The following CTXND2 variants were observed in gnomAD, a reference collection of about 807,000 sequenced individuals.
The protein encoded by CTXND2 is cortexin domain containing 2.
intron 1 of CTXND2, among the ~76,000 whole-genome samples, chr1:150,907,285 T>A (rs762793388): frequency 3.0e-4 from 46 of 152,312 alleles, no homozygotes; most frequent in Middle Eastern, 6.8e-3. Flanking sequence ...TGTAGAACAT[T>A]TTTATCACCT....
At chr1:150,889,779 G>A (rs1356697168) in intron 1 of CTXND2, among the ~76,000 whole-genome samples, 3 of 151,988 alleles carry the variant, frequency 2.0e-5, no homozygotes, top group Non-Finnish European at 4.4e-5. Context: ...TATGCACTAT[G>A]TGCCAGACAC....
At position 150,891,448 on chromosome 1, in the gene CTXND2, C is replaced by T. The variant is rs753700906; in HGVS notation, c.-74+4135C>T. ...CAGGATGGTCTCCATCTCCTGACCT[C>T]GTGATCTGCCTGCCTCGGCCTCCCA... On this transcript the variant is annotated intron_variant, in intron 1 of 1. Coordinates refer to ENST00000636087, the Ensembl canonical transcript of CTXND2. 2.6e-5 allele frequency among the ~76,000 whole-genome samples: 4 copies of T among 152,034 alleles called. No homozygotes were observed. The South Asian group carries it at 8.3e-4, about 32-fold the overall frequency.
At chr1:150,913,275 TTC>T (rs1330206203) in exon 2 of CTXND2, 1 of 152,120 alleles carries the variant, frequency 6.6e-6, no homozygotes, top group African/African-American at 2.4e-5. Flanking sequence ...GGAAATAAAT[TTC>T]TGTTGTTTTA....
At chr1:150,908,028 AGACAGT>A in intron 1 of CTXND2, among the ~76,000 whole-genome samples, 1 of 130,958 alleles carries the variant, frequency 7.6e-6, no homozygotes, top group Middle Eastern at 4.0e-3. Context: ...TTTTTTTTTT[AGACAGT>A]GTCTCACTCT....
intron 1 of CTXND2, among the ~76,000 whole-genome samples, chr1:150,901,786 C>T (rs1669040415): frequency 6.6e-6 from 1 of 151,748 alleles, no homozygotes; most frequent in Non-Finnish European, 1.5e-5. Flanking sequence ...GGCATGGTGG[C>T]GGGCACCTGT....
intron 1 of CTXND2, among the ~76,000 whole-genome samples, chr1:150,887,697 G>T (rs2102591802): frequency 6.6e-6 from 1 of 152,050 alleles, no homozygotes; most frequent in South Asian, 2.1e-4. Flanking sequence ...AAGGATTATA[G>T]TAAAAAAAAG....
In CTXND2 at chr1:150,888,687, ATTAT is replaced by A. The variant is rs587608698; in HGVS notation, c.-74+1394_-74+1397del. On this transcript the variant is annotated intron_variant, in intron 1 of 1. Transcript: ENST00000636087. ...TTCCTTTCTAATAAGAATGTATTTT[ATTAT>A]TTATTTATTTATTTATTTAGACAGG... is the stretch of plus-strand genomic sequence containing the variant. Among the ~76,000 whole-genome samples the A allele has an allele frequency of 1.9e-3, 287 of 151,600 alleles. 1 individual carries two copies. Among genetic ancestry groups the A allele is most frequent in the African/African-American group, 6.6e-3 (271 of 41,368 alleles).
intron 1 of CTXND2, among the ~76,000 whole-genome samples, chr1:150,888,222 T>TA (rs199710280): frequency 5.3e-5 from 8 of 151,672 alleles, no homozygotes; most frequent in Middle Eastern, 3.4e-3. Context: ...CTAATTTATT[T>TA]TTTTTTTTTT....
At chr1:150,898,620 G>T (rs587695566) in intron 1 of CTXND2, among the ~76,000 whole-genome samples, 2 of 151,394 alleles carry the variant, frequency 1.3e-5, no homozygotes, top group African/African-American at 4.9e-5. Context: ...GCTGGGCGTG[G>T]TGGTGCCCGC....
At chr1:150,897,381 G>A (rs1668926237) in intron 1 of CTXND2, among the ~76,000 whole-genome samples, 1 of 152,212 alleles carries the variant, frequency 6.6e-6, no homozygotes, top group South Asian at 2.1e-4. Context: ...CTGGAGTGCA[G>A]TGGCACAATA....
exon 2 of CTXND2, chr1:150,912,755 T>C (rs1156339986): frequency 1.1e-5 from 3 of 270,104 alleles, no homozygotes; most frequent in African/African-American, 6.6e-5. Flanking sequence ...TTTTATGATG[T>C]AATGTAACAT....
chr1:150,891,672 A>C (rs948430336), intron 1 of CTXND2, among the ~76,000 whole-genome samples: 1 of 152,208 alleles, frequency 6.6e-6, no homozygotes, highest in Non-Finnish European at 1.5e-5. Flanking sequence ...TCTATTCAGT[A>C]AAATATATCT....
intron 1 of CTXND2, among the ~76,000 whole-genome samples, chr1:150,904,507 T>C (rs587723224): frequency 4.6e-5 from 7 of 152,354 alleles, no homozygotes; most frequent in Admixed American, 4.6e-4. Context: ...GTGAGTACCA[T>C]CTTCAAACTT....
chr1:150,911,666 C>A (rs964219660), intron 1 of CTXND2, among the ~76,000 whole-genome samples: 9 of 152,154 alleles, frequency 5.9e-5, no homozygotes, highest in African/African-American at 1.9e-4. Flanking sequence ...CTCCTGACTT[C>A]TGGTGATCTA....
chr1:150,907,362 C>A (rs986133562), intron 1 of CTXND2, among the ~76,000 whole-genome samples: 3 of 152,202 alleles, frequency 2.0e-5, no homozygotes, highest in African/African-American at 4.8e-5. Context: ...TAAGCAACCA[C>A]TAATCTGTCT....
At position 150,912,485 on chromosome 1, in the gene CTXND2, T is replaced by C. The variant is rs186918354; in HGVS notation, c.*3T>C. Reference sequence around the variant, plus strand: ...CCACAGAACCATCTCTGAGCTGAAGTATAATAAAACCTGGTAGACTCCCCC... The same window carrying C: ...CCACAGAACCATCTCTGAGCTGAAGCATAATAAAACCTGGTAGACTCCCCC... On this transcript the variant is annotated 3_prime_UTR_variant, in exon 2 of 2. Transcript: ENST00000636087. 4.5e-5 allele frequency: 18 copies of C among 398,560 alleles called. No individual in the cohort carries two copies. The Admixed American group carries it at 6.2e-4, about 14-fold the overall frequency. The allele number at this position is 398,560 out of a possible 1,614,324, so 24.7% of individuals were successfully genotyped here.
At chr1:150,894,445 A>G (rs1254792828) in intron 1 of CTXND2, among the ~76,000 whole-genome samples, 1 of 152,210 alleles carries the variant, frequency 6.6e-6, no homozygotes, top group African/African-American at 2.4e-5. Flanking sequence ...TGCCTAGTCA[A>G]CCTATTAATA....
intron 1 of CTXND2, among the ~76,000 whole-genome samples, chr1:150,910,133 C>CTTTTTTTTTTTTTT (rs1338323220): frequency 1.0e-4 from 12 of 119,132 alleles, no homozygotes; most frequent in Non-Finnish European, 1.2e-4. Context: ...TTTTTTTTTT[C>CTTTTTTTTTTTTTT]TTTTTTTTTT....
chr1:150,908,704 C>T (rs1669195893), intron 1 of CTXND2, among the ~76,000 whole-genome samples: 1 of 151,954 alleles, frequency 6.6e-6, no homozygotes, highest in South Asian at 2.1e-4. Context: ...CTCACTATAA[C>T]CCTGAACTCC....
Sources: gnomAD v4.1 joint callset for allele counts (sites outside exome capture counted in the v4.1 genomes callset) on GRCh38, gnomAD v4.1.1 for gene constraint, MANE v1.5 for transcripts, NCBI Gene and HGNC (gene_info 2026-07-23, HGNC 2026-07-21) for gene names.